Variants in ZNF462 observed in about 807,000 individuals in gnomAD.
ZNF462 encodes the protein zinc finger PBX1-interacting protein.
In ZNF462, 10 loss-of-function variants were observed where a neutral mutation model predicts 201.9. That is an observed-to-expected ratio of 0.05 (90% CI 0.03 to 0.08). The LOEUF is 0.08. ZNF462 is among the 10% of genes least tolerant of loss of function. The pLI is 1.00. For synonymous variants in ZNF462, 1,227 were observed against 1,193.3 expected, an observed-to-expected ratio of 1.03 and a Z score of -0.58; for missense variants, 2,523 against 3,168.3, an observed-to-expected ratio of 0.80 and a Z score of 4.89.
In ZNF462 at chr9:106,930,563, G is replaced by T; in HGVS notation, c.5886G>T (p.Glu1962Asp). The T allele has an allele frequency of 6.2e-7, 1 of 1,614,140 alleles. No individual in the cohort carries two copies. The highest frequency in any genetic ancestry group is 8.5e-7 in the Non-Finnish European group (1 of 1,180,032). Residue 1962 changes from glutamate (E) to aspartate (D), a missense_variant, in exon 4 of 13, where the codon GAG (glutamate) becomes GAT (aspartate). This residue lies in a region of ZNF462 where 107 missense variants were observed against 187.7 expected (regional missense o/e 0.57). Transcript: ENST00000277225. The surrounding 1 kb of genome is among the most constrained non-coding windows in gnomAD (Gnocchi z 5.8). ...TAGAAGAGGTGCCAAAGATCAAGGA[G>T]AGGAAAGTGGTGGGCTACAAATGTA... ...GHLEEVPKIK[E>D]RKVVGYKCKF...
rs1236182078 is a variant in ZNF462 at position 107,009,594 on chromosome 9, T to A, written c.7239T>A (p.Arg2413=). ...GGGCTGCTCTTAACACTGAGAAGCGTTTTCCATGTGAATTTTGTGGACGGG... is the reference window on the plus strand; with the variant it reads ...GGGCTGCTCTTAACACTGAGAAGCGATTTCCATGTGAATTTTGTGGACGGG... The part of the protein sequence containing the change: ...DHGAALNTEK[R]FPCEFCGRAF... The change falls in exon 12 of 13, where the codon CGT becomes CGA. Residue 2413 remains arginine (R), a synonymous_variant. Transcript: ENST00000277225. The surrounding 1 kb of genome is among the most constrained non-coding windows in gnomAD (Gnocchi z 6.1). 6.2e-7 allele frequency: 1 copy of A among 1,613,992 alleles called. No individual in the cohort carries two copies. Among genetic ancestry groups the A allele is most frequent in the Admixed American group, 1.7e-5 (1 of 59,990 alleles).
intron 4 of ZNF462, among the ~76,000 whole-genome samples, chr9:106,931,694 G>A (rs969716472): frequency 2.0e-5 from 3 of 152,116 alleles, no homozygotes; most frequent in Admixed American, 6.5e-5. Context: ...GAGCTATCTC[G>A]AAAAACAGGT....
At chr9:106,864,312 G>A (rs1328839597) in intron 1 of ZNF462, among the ~76,000 whole-genome samples, 1 of 151,948 alleles carries the variant, frequency 6.6e-6, no homozygotes, top group East Asian at 2.0e-4. Context: ...AACGGTTTCT[G>A]GAGAGGAGAA....
rs1284661805 is a variant in ZNF462 at position 107,011,649 on chromosome 9, A to C, written c.*619A>C. ...AATGTAGAGAGAACTGCTGGGCAAG[A>C]TGGTGAATGGAGAAAAAAAAAGAGT... On this transcript the variant is annotated 3_prime_UTR_variant, in exon 13 of 13. Transcript: ENST00000277225. The surrounding 1 kb of genome is among the most constrained non-coding windows in gnomAD (Gnocchi z 5.6). 1 of 152,086 alleles carries C rather than the reference A, an allele frequency of 6.6e-6. No homozygotes were observed. The highest frequency in any genetic ancestry group is 2.4e-5 in the African/African-American group (1 of 41,432). The allele number at this position is 152,086 out of a possible 1,614,324, so 9.4% of individuals were successfully genotyped here.
chr9:106,914,537 A>G (rs560139294), intron 1 of ZNF462, among the ~76,000 whole-genome samples: 2 of 152,312 alleles, frequency 1.3e-5, no homozygotes, highest in East Asian at 1.9e-4. Context: ...CTCATGACCA[A>G]TCTCTGTTGG....
At chr9:106,940,006 A>G (rs1830799859) in intron 7 of ZNF462, among the ~76,000 whole-genome samples, 1 of 152,182 alleles carries the variant, frequency 6.6e-6, no homozygotes, top group Non-Finnish European at 1.5e-5. Context: ...TTCCCAGGTC[A>G]AGGAATGACT....
At chr9:106,889,307 C>T (rs962748593) in intron 1 of ZNF462, among the ~76,000 whole-genome samples, 2 of 152,214 alleles carry the variant, frequency 1.3e-5, no homozygotes, top group Admixed American at 6.5e-5. Context: ...CCTGTCTCTC[C>T]TTCGCTGTGC....
At chr9:106,947,084 G>A (rs978131916) in intron 7 of ZNF462, among the ~76,000 whole-genome samples, 1 of 152,196 alleles carries the variant, frequency 6.6e-6, no homozygotes, top group Non-Finnish European at 1.5e-5. Context: ...ACAGCTGGGA[G>A]AATCTGCTTG....
Position 106,926,984 on chromosome 9 carries a change from C to T in ZNF462, c.3072C>T (p.Val1024=), listed in dbSNP as rs150005051. Residue 1024 remains valine (V), a synonymous_variant, in exon 3 of 13, where the codon GTC becomes GTT. Coordinates refer to ENST00000277225, the MANE Select transcript of ZNF462 (RefSeq NM_021224.6). This position sits in a 1 kb window ranked among gnomAD's most constrained non-coding sequence, Gnocchi z 7.9. The part of the protein sequence containing the change: ...PECENQKDPL[V]NTVVVYDCDV... ...GTGAAAATCAGAAGGACCCTTTGGTCAACACTGTTGTTGTTTATGATTGTG... is the reference window on the plus strand; with the variant it reads ...GTGAAAATCAGAAGGACCCTTTGGTTAACACTGTTGTTGTTTATGATTGTG... 252 of 1,614,186 alleles carry T rather than the reference C, an allele frequency of 1.6e-4. No homozygotes were observed. The African/African-American group carries it at 2.8e-3, about 18-fold the overall frequency.
rs752789724 is a variant in ZNF462 at position 106,927,642 on chromosome 9, C to G, written c.3730C>G (p.Pro1244Ala). 2 of 1,613,978 alleles carry G rather than the reference C, an allele frequency of 1.2e-6. No individual in the cohort carries two copies. The highest frequency in any genetic ancestry group is 1.7e-6 in the Non-Finnish European group (2 of 1,180,006). The change falls in exon 3 of 13, where the codon CCT becomes GCT. Residue 1244 changes from proline to alanine, a missense_variant. Pro to Ala is a conservative substitution (Grantham distance 27, BLOSUM62 -1). Transcript: ENST00000277225. ...RSLCDRNQKK[P>A]ASCVLVSPSN... ...CCTCTGCGACCGAAATCAGAAGAAG[C>G]CTGCCAGCTGCGTGCTTGTCTCCCC...
In ZNF462 at chr9:106,972,670, T is replaced by A. The variant is rs988570956; in HGVS notation, c.6695+398T>A. ...CAAGAGAAAACATCCGGCAGTAGTGTCTTCCCTGCTCCCCTGATAGAAAAT... is the reference window on the plus strand; with the variant it reads ...CAAGAGAAAACATCCGGCAGTAGTGACTTCCCTGCTCCCCTGATAGAAAAT... On this transcript the variant is annotated intron_variant, in intron 8 of 12. Transcript: ENST00000277225. This position sits in a 1 kb window ranked among gnomAD's most constrained non-coding sequence, Gnocchi z 4.8. 7.2e-5 allele frequency among the ~76,000 whole-genome samples: 11 copies of A among 152,174 alleles called. No individual in the cohort carries two copies. Among genetic ancestry groups the A allele is most frequent in the Non-Finnish European group, 1.5e-4 (10 of 68,032 alleles).
intron 7 of ZNF462, among the ~76,000 whole-genome samples, chr9:106,969,666 T>C (rs1826486440): frequency 6.6e-6 from 1 of 152,144 alleles, no homozygotes; most frequent in Non-Finnish European, 1.5e-5. Context: ...CATACTAATC[T>C]GGGAGATCCA....
chr9:106,943,809 G>A (rs1830990232), intron 7 of ZNF462, among the ~76,000 whole-genome samples: 1 of 152,068 alleles, frequency 6.6e-6, no homozygotes, highest in Non-Finnish European at 1.5e-5. Context: ...TAATTGTACT[G>A]GGTCCTCAAA....
rs949211295 is a variant in ZNF462 at position 106,895,831 on chromosome 9, G to C, written c.-30-27523G>C. 6.6e-6 allele frequency among the ~76,000 whole-genome samples: 1 copy of C among 151,924 alleles called. No homozygotes were observed. Among genetic ancestry groups the C allele is most frequent in the Non-Finnish European group, 1.5e-5 (1 of 67,988 alleles). ...TTTTTGGGGGTGGGAATATGTATTG[G>C]GTTCTTCTTTCTTACATATGTTCAT... On this transcript the variant is annotated intron_variant, in intron 1 of 12. Transcript: ENST00000277225. This position sits in a 1 kb window ranked among gnomAD's most constrained non-coding sequence, Gnocchi z 4.4.
chr9:106,903,748 C>T (rs1262609545), intron 1 of ZNF462, among the ~76,000 whole-genome samples: 1 of 152,180 alleles, frequency 6.6e-6, no homozygotes, highest in Non-Finnish European at 1.5e-5. Context: ...GTTACCCCTG[C>T]TCACTTTTGG....
intron 1 of ZNF462, among the ~76,000 whole-genome samples, chr9:106,875,472 A>G (rs181692551): frequency 2.6e-5 from 4 of 152,338 alleles, no homozygotes; most frequent in Non-Finnish European, 4.4e-5. Flanking sequence ...CTTAAAACGA[A>G]AAAGAGAGTC....
intron 1 of ZNF462, among the ~76,000 whole-genome samples, chr9:106,915,016 C>T (rs1369102184): frequency 3.3e-5 from 5 of 151,990 alleles, no homozygotes; most frequent in African/African-American, 9.7e-5. Context: ...AAAACAGGTC[C>T]TTTGTACAAA....
rs1827169558 is a variant in ZNF462 at position 106,978,366 on chromosome 9, G to A, written c.6832+4093G>A. ...AAGCATACCAGAGAAGTATGTTCTG[G>A]CCAAAGTATGAAGCGCCTGGATACT... On this transcript the variant is annotated intron_variant, in intron 9 of 12. Coordinates refer to ENST00000277225, the MANE Select transcript of ZNF462 (RefSeq NM_021224.6). The surrounding 1 kb of genome is among the most constrained non-coding windows in gnomAD (Gnocchi z 4.1). Among the ~76,000 whole-genome samples, 1 of 151,614 alleles carries A rather than the reference G, an allele frequency of 6.6e-6. No individual in the cohort carries two copies. Among genetic ancestry groups the A allele is most frequent in the Admixed American group, 6.5e-5 (1 of 15,276 alleles).
rs1830383463 is a variant in ZNF462 at position 106,930,531 on chromosome 9, G to A, written c.5854G>A (p.Gly1952Ser). ...FADFKQERPF[G>S]HLEEVPKIKE... ...TACCACTGTATTTTACCAGCCTTTT[G>A]GTCACTTAGAAGAGGTGCCAAAGAT... Residue 1952 changes from glycine to serine, a missense_variant, in exon 4 of 13, where the codon GGT (glycine) becomes AGT (serine). Gly to Ser is a moderately conservative substitution (Grantham distance 56, BLOSUM62 0). Coordinates refer to ENST00000277225, the MANE Select transcript of ZNF462 (RefSeq NM_021224.6). This position sits in a 1 kb window ranked among gnomAD's most constrained non-coding sequence, Gnocchi z 5.8. 1 of 1,613,920 alleles carries A rather than the reference G, an allele frequency of 6.2e-7. No individual in the cohort carries two copies. The highest frequency in any genetic ancestry group is 8.5e-7 in the Non-Finnish European group (1 of 1,179,962).
Sources: gnomAD v4.1 joint callset for allele counts (sites outside exome capture counted in the v4.1 genomes callset) on GRCh38, gnomAD v4.1.1 for gene constraint, gnomAD v4.1.1 regional missense constraint, Gnocchi (gnomAD v3.1) non-coding constraint, MANE v1.5 for transcripts, NCBI Gene and HGNC (gene_info 2026-07-23, HGNC 2026-07-21) for gene names.